Variants in SMIM10L3 observed in about 807,000 individuals in gnomAD.
SMIM10L3 encodes small integral membrane protein 10 like 3, also known as salivary gland specific protein SAGSIN1.
At chr7:6,343,748 G>A in the SMIM10L3 span, among the ~76,000 whole-genome samples, 1 of 151,942 alleles carries the variant, frequency 6.6e-6, no homozygotes, top group African/African-American at 2.4e-5. Flanking sequence ...TCCTAAAGAG[G>A]TATTAACCTC....
At chr7:6,334,207 T>A in the SMIM10L3 span, among the ~76,000 whole-genome samples, 1 of 151,438 alleles carries the variant, frequency 6.6e-6, no homozygotes, top group Non-Finnish European at 1.5e-5. Flanking sequence ...GGATTACAGG[T>A]GTGTACCACT....
chr7:6,330,143 T>A, the SMIM10L3 span: 1 of 541,360 alleles, frequency 1.8e-6, no homozygotes. Flanking sequence ...TCTCCTGAAA[T>A]GTTTCCCAAT....
At chr7:6,336,263 G>A in the SMIM10L3 span, among the ~76,000 whole-genome samples, 1 of 151,924 alleles carries the variant, frequency 6.6e-6, no homozygotes, top group Admixed American at 6.6e-5. Context: ...GGAGAGGACT[G>A]CTTGAGCCTA....
At chr7:6,329,450 A>G in the SMIM10L3 span, 1 of 152,542 alleles carries the variant, frequency 6.6e-6, no homozygotes, top group Non-Finnish European at 1.5e-5. Context: ...AACAAATTTT[A>G]TTTTTCATTT....
At chr7:6,331,073 A>G in the SMIM10L3 span, 7 of 1,613,638 alleles carry the variant, frequency 4.3e-6, no homozygotes, top group Admixed American at 6.7e-5. Flanking sequence ...TTAAGGCTGC[A>G]TGATAGTTTG....
the SMIM10L3 span, chr7:6,338,489 C>T: frequency 6.6e-6 from 1 of 152,080 alleles, no homozygotes; most frequent in Non-Finnish European, 1.5e-5. Flanking sequence ...AAAGTGTAGC[C>T]CTGGGTTCCA....
the SMIM10L3 span, among the ~76,000 whole-genome samples, chr7:6,343,637 A>G: frequency 5.1e-4 from 78 of 151,974 alleles, no homozygotes; most frequent in African/African-American, 1.6e-3. Flanking sequence ...GGATGCTAAG[A>G]ACTCCAGGAG....
chr7:6,348,775 C>T, the SMIM10L3 span: 1 of 397,978 alleles, frequency 2.5e-6, no homozygotes, highest in Non-Finnish European at 4.4e-6. Context: ...ACCGGCGCTC[C>T]CACAGCCCCC....
chr7:6,330,842 C>T, the SMIM10L3 span: 1 of 1,614,192 alleles, frequency 6.2e-7, no homozygotes, highest in Non-Finnish European at 8.5e-7. Flanking sequence ...GGGAACAAAC[C>T]CACGGCTGTG....
chr7:6,334,233 A>AT, the SMIM10L3 span, among the ~76,000 whole-genome samples: 2 of 148,888 alleles, frequency 1.3e-5, no homozygotes, highest in African/African-American at 2.5e-5. Context: ...CAGCTAAAGT[A>AT]TTTTTTTAAA....
chr7:6,348,916 C>G, the SMIM10L3 span: 4 of 384,840 alleles, frequency 1.0e-5, no homozygotes, highest in East Asian at 3.7e-5. Context: ...ACGTCACGCT[C>G]GGAGAAGTGC....
At chr7:6,335,985 C>G in the SMIM10L3 span, among the ~76,000 whole-genome samples, 12 of 152,032 alleles carry the variant, frequency 7.9e-5, no homozygotes. Context: ...TCAGCCTGGT[C>G]TACACGGTGA....
At chr7:6,348,944 T>C in the SMIM10L3 span, 1 of 379,628 alleles carries the variant, frequency 2.6e-6, no homozygotes, top group Non-Finnish European at 4.7e-6. Context: ...AGCAGCCGCC[T>C]GTACCAGCCT....
At chr7:6,344,307 G>C in the SMIM10L3 span, among the ~76,000 whole-genome samples, 1 of 152,246 alleles carries the variant, frequency 6.6e-6, no homozygotes, top group South Asian at 2.1e-4. Flanking sequence ...CTGCAGGGGA[G>C]TTTAAAGTAG....
chr7:6,330,248 C>G, the SMIM10L3 span: 2 of 920,260 alleles, frequency 2.2e-6, no homozygotes, highest in East Asian at 2.6e-5. Flanking sequence ...TACTTTAAGT[C>G]TGCCAGGTCG....
At chr7:6,340,173 C>A in the SMIM10L3 span, among the ~76,000 whole-genome samples, 1 of 152,144 alleles carries the variant, frequency 6.6e-6, no homozygotes, top group African/African-American at 2.4e-5. Context: ...GCATGAGCTA[C>A]CGCGCCCGGC....
At chr7:6,330,899 C>T in the SMIM10L3 span, 12 of 1,614,226 alleles carry the variant, frequency 7.4e-6, no homozygotes, top group Admixed American at 1.0e-4. Flanking sequence ...GATTCTCTCA[C>T]ATATGGAAGC....
chr7:6,334,512 G>C, the SMIM10L3 span, among the ~76,000 whole-genome samples: 2 of 152,084 alleles, frequency 1.3e-5, no homozygotes, highest in Non-Finnish European at 2.9e-5. Context: ...CTGTCACCCA[G>C]ACTGAAGTGC....
chr7:6,334,831 C>T, the SMIM10L3 span, among the ~76,000 whole-genome samples: 13 of 151,090 alleles, frequency 8.6e-5, no homozygotes, highest in African/African-American at 1.5e-4. Context: ...TACAATGGCA[C>T]GATCTCGACT....
Sources: allele counts gnomAD v4.1 joint callset (sites outside exome capture counted in the v4.1 genomes callset), GRCh38; gene constraint gnomAD v4.1.1; transcripts MANE v1.5; gene names NCBI Gene and HGNC (gene_info 2026-07-23, HGNC 2026-07-21).